The following HHAT variants were observed in gnomAD, a reference collection of about 807,000 sequenced individuals.
HHAT encodes protein-cysteine N-palmitoyltransferase HHAT.
In HHAT, 47 loss-of-function variants were observed where a neutral mutation model predicts 70.8. The observed-to-expected ratio is 0.66, with a 90% CI of 0.53 to 0.85. The LOEUF is 0.85. Among genes scored for constraint, HHAT ranks in the 40% least tolerant of loss-of-function variants. The pLI is 0.00. For synonymous variants in HHAT, 228 were observed against 247.6 expected, an observed-to-expected ratio of 0.92 and a Z score of 0.74; for missense variants, 609 against 604.8, an observed-to-expected ratio of 1.01 and a Z score of -0.07.
At chr1:210,411,360 A>G (rs895886206) in intron 6 of HHAT, among the ~76,000 whole-genome samples, 5 of 152,208 alleles carry the variant, frequency 3.3e-5, no homozygotes, top group Non-Finnish European at 1.5e-5. Flanking sequence ...CAGTTGGCTT[A>G]TTTAGAAACT....
At chr1:210,581,710 C>T (rs1659299463) in intron 9 of HHAT, among the ~76,000 whole-genome samples, 1 of 152,206 alleles carries the variant, frequency 6.6e-6, no homozygotes, top group Non-Finnish European at 1.5e-5. Context: ...TTTCAATGCT[C>T]TGTATTCTTT....
At chr1:210,462,777 T>C in intron 7 of HHAT, 1 of 152,640 alleles carries the variant, frequency 6.6e-6, no homozygotes, top group Non-Finnish European at 1.5e-5. Context: ...GGCTTATGTT[T>C]TTCCTCTGGC....
intron 5 of HHAT, 30 bp downstream of exon 5, chr1:210,400,692 C>G: frequency 6.3e-7 from 1 of 1,586,944 alleles, no homozygotes; most frequent in Middle Eastern, 1.7e-4. Flanking sequence ...CATTGGGAAT[C>G]CAGAGAAGGC....
chr1:210,477,961 G>T (rs1395822400), intron 8 of HHAT, among the ~76,000 whole-genome samples: 1 of 152,186 alleles, frequency 6.6e-6, no homozygotes, highest in Non-Finnish European at 1.5e-5. Context: ...TTAATTGGTA[G>T]CAGTAATTGT....
chr1:210,523,849 G>A (rs1187705036), intron 9 of HHAT, among the ~76,000 whole-genome samples: 3 of 152,088 alleles, frequency 2.0e-5, no homozygotes, highest in East Asian at 1.9e-4. Flanking sequence ...ACTATTCTAG[G>A]TGCCAGGATC....
intron 9 of HHAT, among the ~76,000 whole-genome samples, chr1:210,583,368 G>A (rs1184399878): frequency 1.3e-5 from 2 of 152,180 alleles, no homozygotes; most frequent in African/African-American, 2.4e-5. Flanking sequence ...AGTCACTGAC[G>A]AGAAGCAATC....
rs927392992 is a variant in HHAT at position 210,507,359 on chromosome 1, C to CTTTTTTTT, written c.1008-5782_1008-5775dup. Reference sequence around the variant, plus strand: ...ACTAAAGAAAACATTTTTCTTTTTTCTTTTTTTTTTTTTTTTTTTGAGACG... The same window carrying CTTTTTTTT: ...ACTAAAGAAAACATTTTTCTTTTTTCTTTTTTTTTTTTTTTTTTTTTTTTTTTGAGACG... On this transcript the variant is annotated intron_variant, in intron 8 of 11. Transcript: ENST00000261458. Among the ~76,000 whole-genome samples, 319 of 122,408 alleles carry CTTTTTTTT rather than the reference C, an allele frequency of 2.6e-3. 1 individual carries two copies. Among genetic ancestry groups the CTTTTTTTT allele is most frequent in the South Asian group, 4.0e-3 (14 of 3,538 alleles). The allele number at this position is 122,408 out of a possible 152,430, so 80.3% of individuals were successfully genotyped here.
intron 2 of HHAT, among the ~76,000 whole-genome samples, chr1:210,358,765 GGT>G (rs1465571158): frequency 6.6e-6 from 1 of 151,964 alleles, no homozygotes; most frequent in African/African-American, 2.4e-5. Context: ...GTCAGACTAG[GGT>G]GTGTGTGTGT....
rs376467074 is a variant in HHAT, at chr1:210,662,245, A to G, written c.1391-12043A>G. Among the ~76,000 whole-genome samples, 8 of 152,130 alleles carry G rather than the reference A, an allele frequency of 5.3e-5. No individual in the cohort carries two copies. In the East Asian group the frequency reaches 5.8e-4, roughly 11 times the overall value. The stretch of plus-strand genomic sequence containing the variant: ...TCAGCCTTCGGTGGCACCTTCACAT[A>G]AGGCCTCAAATGAAGACGCAGACTG... On this transcript the variant is annotated intron_variant, in intron 11 of 11. Transcript: ENST00000261458.
intron 8 of HHAT, among the ~76,000 whole-genome samples, chr1:210,503,985 C>T (rs963389800): frequency 2.0e-5 from 3 of 152,088 alleles, no homozygotes; most frequent in Admixed American, 2.0e-4. Context: ...GATATAACAC[C>T]AAAAGCATGA....
At position 210,362,845 on chromosome 1, in the gene HHAT, T is replaced by G. The variant is rs75519875; in HGVS notation, c.92-7T>G. Reference sequence around the variant, plus strand: ...GTGACTAACGAAGACTTTTTTTTTTTGGTCAGAACACGAAGAGGAGCTGGA... The same window carrying G: ...GTGACTAACGAAGACTTTTTTTTTTGGGTCAGAACACGAAGAGGAGCTGGA... On this transcript the variant is annotated splice_region_variant and splice_polypyrimidine_tract_variant and intron_variant, in intron 2 of 11. Coordinates refer to ENST00000261458, the MANE Select transcript of HHAT (RefSeq NM_018194.6). The G allele has an allele frequency of 6.2e-7, 1 of 1,611,878 alleles. No individual in the cohort carries two copies. Among genetic ancestry groups the G allele is most frequent in the Non-Finnish European group, 8.5e-7 (1 of 1,178,362 alleles).
intron 7 of HHAT, among the ~76,000 whole-genome samples, chr1:210,437,776 A>G (rs2093413587): frequency 6.6e-6 from 1 of 151,784 alleles, no homozygotes; most frequent in South Asian, 2.1e-4. Context: ...CCTGATTTTA[A>G]ACGTCTCCTT....
At chr1:210,447,413 G>A (rs1024088021) in intron 7 of HHAT, among the ~76,000 whole-genome samples, 2 of 152,180 alleles carry the variant, frequency 1.3e-5, no homozygotes, top group Admixed American at 6.5e-5. Context: ...ATCAGTGCAC[G>A]ATGGATTAGA....
intron 7 of HHAT, among the ~76,000 whole-genome samples, chr1:210,422,029 T>C (rs1301785905): frequency 6.6e-6 from 1 of 152,202 alleles, no homozygotes; most frequent in African/African-American, 2.4e-5. Context: ...TACTCCAAGA[T>C]GATAAAAATA....
rs372402457 is a variant in HHAT at position 210,580,560 on chromosome 1, A to G, written c.1044-7338A>G. Among the ~76,000 whole-genome samples the G allele has an allele frequency of 3.3e-3, 462 of 141,142 alleles. 2 individuals carry two copies. The highest frequency in any genetic ancestry group is 0.012 in the African/African-American group (433 of 37,578). The allele number at this position is 141,142 out of a possible 152,430, so 92.6% of individuals were successfully genotyped here. On this transcript the variant is annotated intron_variant, in intron 9 of 11. Coordinates refer to ENST00000261458, the MANE Select transcript of HHAT (RefSeq NM_018194.6). Reference sequence around the variant, plus strand: ...CTGTATCCACGTGTCTCATTGTTCAATTCCCACTTATGAGTGAGAACATGC... The same window carrying G: ...CTGTATCCACGTGTCTCATTGTTCAGTTCCCACTTATGAGTGAGAACATGC...
chr1:210,670,007 T>C (rs145110301), intron 11 of HHAT, among the ~76,000 whole-genome samples: 2,605 of 146,228 alleles, frequency 0.018, 37 homozygotes, highest in Middle Eastern at 0.031. Context: ...GAGGGGTGCA[T>C]GGGTGGGGGA....
intron 7 of HHAT, among the ~76,000 whole-genome samples, chr1:210,450,426 T>G (rs1402344187): frequency 6.6e-6 from 1 of 152,178 alleles, no homozygotes; most frequent in Non-Finnish European, 1.5e-5. Flanking sequence ...ACATTTCTTC[T>G]GTGAAAGGGA....
chr1:210,557,632 G>A (rs920975493), intron 9 of HHAT, among the ~76,000 whole-genome samples: 7 of 152,080 alleles, frequency 4.6e-5, no homozygotes, highest in East Asian at 3.9e-4. Context: ...CTTACATGAC[G>A]GCAGCAAGAG....
chr1:210,539,560 C>T (rs2095407899), intron 9 of HHAT, among the ~76,000 whole-genome samples: 2 of 152,158 alleles, frequency 1.3e-5, no homozygotes, highest in Non-Finnish European at 1.5e-5. Context: ...CAGCTAGATT[C>T]TTCTTCGAGG....
Sources: gnomAD v4.1 joint callset for allele counts (sites outside exome capture counted in the v4.1 genomes callset) on GRCh38, gnomAD v4.1.1 for gene constraint, MANE v1.5 for transcripts, NCBI Gene and HGNC (gene_info 2026-07-23, HGNC 2026-07-21) for gene names.